Variants in TTC6 observed in about 807,000 individuals in gnomAD.
TTC6 encodes tetratricopeptide repeat protein 6.
TTC6 carries 172 observed loss-of-function variants against 210.4 expected under a neutral mutation model. The observed-to-expected ratio is 0.82, with a 90% confidence interval of 0.72 to 0.93. The LOEUF (loss-of-function observed/expected upper bound fraction) is 0.93, where lower values mean the gene tolerates loss of function less well. TTC6 is among the 40% of genes least tolerant of loss of function. The probability of loss-of-function intolerance (pLI) is 0.00; values close to 1 mark genes in which losing one functional copy is unlikely to be tolerated. For missense variants in TTC6, 2,414 were observed against 2,318.1 expected (o/e 1.04, Z -0.85); for synonymous variants, 804 against 819.6 (o/e 0.98, Z 0.32).
At position 37,749,343 on chromosome 14, in the gene TTC6, G is replaced by T. The variant is rs184767824; in HGVS notation, c.2768G>T (p.Arg923Leu). 1,775 of 1,491,800 alleles carry T rather than the reference G, an allele frequency of 1.2e-3. 4 individuals are homozygous for T. Among genetic ancestry groups the T allele is most frequent in the Admixed American group, 1.6e-3 (69 of 43,764 alleles). The allele number at this position is 1,491,800 out of a possible 1,614,324, so 92.4% of individuals were successfully genotyped here. ...TATCCTGCATTTGCATATTGTAGGC[G>T]TGGAGCTATTTATAGGAAACTGGGA... The change falls in exon 11 of 31, where the codon CGT becomes CTT. Residue 923 changes from arginine (R) to leucine (L), a missense_variant. Coordinates refer to ENST00000553443, the Ensembl canonical transcript of TTC6.
At chr14:37,624,667 G>T (rs930958502) in intron 1 of TTC6, among the ~76,000 whole-genome samples, 2 of 151,838 alleles carry the variant, frequency 1.3e-5, no homozygotes, top group African/African-American at 4.8e-5. Context: ...TGTCGCTCAG[G>T]CTGGAGTGCA....
chr14:37,842,249 T>A lies in TTC6; in HGVS notation c.5619T>A (p.Tyr1873Ter). The A allele has an allele frequency of 6.2e-7, 1 of 1,608,464 alleles. No individual in the cohort carries two copies. The highest frequency in any genetic ancestry group is 1.7e-4 in the Middle Eastern group (1 of 6,042). Reference sequence around the variant, plus strand: ...TGATTGAGGAAGCTATGGCTGACTATAACCAAGCACTTGATCTTGAAGACT... The same window carrying A: ...TGATTGAGGAAGCTATGGCTGACTAAAACCAAGCACTTGATCTTGAAGACT... The change falls in exon 31 of 31, where the codon TAT becomes TAA. Residue 1873 changes from tyrosine (Y) to a stop codon, truncating the protein, a stop_gained. Transcript: ENST00000553443. LOFTEE classifies it high-confidence loss of function.
intron 2 of TTC6, among the ~76,000 whole-genome samples, chr14:37,613,006 C>T (rs1440174923): frequency 6.6e-6 from 1 of 152,002 alleles, no homozygotes; most frequent in Non-Finnish European, 1.5e-5. Context: ...TGGCTAAGAC[C>T]TTCAGTATGA....
intron 18 of TTC6, 70 bp downstream of exon 20, chr14:37,795,422 T>A: frequency 2.8e-6 from 3 of 1,056,604 alleles, no homozygotes; most frequent in Non-Finnish European, 4.0e-6. Flanking sequence ...GGATCTTCAG[T>A]TCCCTCTTGA....
At chr14:37,677,515 G>A (rs1450986693) in intron 1 of TTC6, among the ~76,000 whole-genome samples, 2 of 151,940 alleles carry the variant, frequency 1.3e-5, no homozygotes, top group South Asian at 2.1e-4. Context: ...TATAATTAGT[G>A]GTTTTTATTA....
At chr14:37,625,883 T>A (rs1291622692) in intron 1 of TTC6, among the ~76,000 whole-genome samples, 1 of 152,050 alleles carries the variant, frequency 6.6e-6, no homozygotes, top group Non-Finnish European at 1.5e-5. Context: ...ATACGGAGGG[T>A]TAAACTTAGC....
intron 2 of TTC6, among the ~76,000 whole-genome samples, chr14:37,680,628 A>G (rs1053034365): frequency 3.9e-5 from 6 of 152,178 alleles, no homozygotes; most frequent in Non-Finnish European, 8.8e-5. Flanking sequence ...AAGCATTGCA[A>G]GGGGAGAATT....
chr14:37,809,406 T>C (rs4901285), intron 24 of TTC6, among the ~76,000 whole-genome samples: 47,915 of 151,772 alleles, frequency 0.32, 8,472 homozygotes, highest in South Asian at 0.45. Context: ...GCACCCCCAA[T>C]CATGCCCTGC....
intron 10 of TTC6, among the ~76,000 whole-genome samples, chr14:37,743,034 C>A (rs757737129): frequency 4.6e-5 from 7 of 152,142 alleles, no homozygotes; most frequent in Non-Finnish European, 8.8e-5. Flanking sequence ...TTCAAAATTT[C>A]TGTTTCCTTA....
intron 3 of TTC6, among the ~76,000 whole-genome samples, chr14:37,693,614 C>T (rs908524035): frequency 6.6e-5 from 10 of 151,830 alleles, no homozygotes; most frequent in East Asian, 3.9e-4. Context: ...AAACAAACAA[C>T]GACAACAAAA....
chr14:37,791,943 T>C (rs192994676), intron 16 of TTC6, among the ~76,000 whole-genome samples: 2 of 152,254 alleles, frequency 1.3e-5, no homozygotes, highest in Admixed American at 1.3e-4. Context: ...GACTCTTTAG[T>C]TGAGAAAAAC....
intron 5 of TTC6, among the ~76,000 whole-genome samples, chr14:37,705,771 ATG>A (rs3062765): frequency 1 from 151,504 of 152,200 alleles, 75,412 homozygotes; most frequent in Middle Eastern, 1. Flanking sequence ...GCAGAGTGCT[ATG>A]TGGAAACATG....
intron 14 of TTC6, among the ~76,000 whole-genome samples, chr14:37,762,149 T>G (rs2095986522): frequency 6.6e-6 from 1 of 152,218 alleles, no homozygotes; most frequent in Non-Finnish European, 1.5e-5. Flanking sequence ...AGTGGTGGGA[T>G]TTCCCTTTTT....
In TTC6 at chr14:37,729,970, AT is replaced by A. The variant is rs376743814; in HGVS notation, c.1818+4970del. ...AGAACTGGTGACCATGGAGTAACCC[AT>A]TAGAAAAGTAGTCCGAAAGAAAATC... On this transcript the variant is annotated intron_variant, in intron 7 of 30. Transcript: ENST00000553443. 4.3e-3 allele frequency among the ~76,000 whole-genome samples: 660 copies of A among 152,292 alleles called. 3 individuals carry two copies. Among genetic ancestry groups the A allele is most frequent in the African/African-American group, 0.015 (634 of 41,570 alleles).
At chr14:37,718,083 T>C (rs1235543922) in intron 6 of TTC6, among the ~76,000 whole-genome samples, 1 of 152,230 alleles carries the variant, frequency 6.6e-6, no homozygotes, top group African/African-American at 2.4e-5. Flanking sequence ...TTATTCTTTA[T>C]AAATTACCCA....
At chr14:37,733,466 T>C (rs1228098008) in intron 7 of TTC6, among the ~76,000 whole-genome samples, 1 of 152,204 alleles carries the variant, frequency 6.6e-6, no homozygotes, top group Non-Finnish European at 1.5e-5. Flanking sequence ...TGTCTTCATA[T>C]AATTTCATTC....
At chr14:37,714,819 GT>G in intron 6 of TTC6, 23 bp downstream of exon 8, 3 of 1,527,950 alleles carry the variant, frequency 2.0e-6, no homozygotes, top group Non-Finnish European at 2.6e-6. Context: ...TTTAATATTA[GT>G]TTTTTTGTAC....
At position 37,800,870 on chromosome 14, in the gene TTC6, C is replaced by T. The variant is rs555819293; in HGVS notation, c.4030-3810C>T. Among the ~76,000 whole-genome samples, 11 of 152,168 alleles carry T rather than the reference C, an allele frequency of 7.2e-5. No homozygotes were observed. In the East Asian group the frequency reaches 2.1e-3, roughly 29 times the overall value. ...ACAAAACGAAAGAAGGCTGTCAGAC[C>T]TCAAAATCATTCTGGCAGGAAGTAG... On this transcript the variant is annotated intron_variant, in intron 20 of 30. Transcript: ENST00000553443.
In TTC6 at chr14:37,622,449, CG is replaced by C; in HGVS notation, c.387del (p.His130ThrfsTer4). On this transcript the variant is annotated frameshift_variant, in exon 1 of 31. Transcript: ENST00000553443. LOFTEE classifies it high-confidence loss of function. The stretch of plus-strand genomic sequence containing the variant: ...TTACTTGCGGAGCTCCGCGTTCCTA[CG>C]GCACCAGGCCCTGAAAAAGCCCCCA... 1 of 1,535,164 alleles carries C rather than the reference CG, an allele frequency of 6.5e-7. No homozygotes were observed. The highest frequency in any genetic ancestry group is 8.7e-7 in the Non-Finnish European group (1 of 1,146,532).
Sources: gnomAD v4.1 joint callset for allele counts (sites outside exome capture counted in the v4.1 genomes callset) on GRCh38, gnomAD v4.1.1 for gene constraint, MANE v1.5 for transcripts, NCBI Gene and HGNC (gene_info 2026-07-23, HGNC 2026-07-21) for gene names.